PARP4: variants seen among roughly 807,000 people sequenced by gnomAD.
PARP4 encodes poly(ADP-ribose) polymerase family member 4.
In PARP4, 120 loss-of-function variants were observed where a neutral mutation model predicts 187.7. The observed-to-expected ratio is 0.64, with a 90% CI of 0.55 to 0.74. The LOEUF (loss-of-function observed/expected upper bound fraction) is 0.74, where lower values mean the gene tolerates loss of function less well. Among genes scored for constraint, PARP4 ranks in the 30% least tolerant of loss-of-function variants. The pLI is 0.00. For synonymous variants in PARP4, 654 were observed against 740.9 expected (o/e 0.88, Z 1.90); for missense variants, 1,836 against 2,070.5 (o/e 0.89, Z 2.20).
chr13:24,446,579 C>T, intron 27 of PARP4, 102 bp downstream of exon 27: 1 of 773,182 alleles, frequency 1.3e-6, no homozygotes, highest in Non-Finnish European at 2.2e-6. Context: ...CAAAGCTGCC[C>T]TGGGCCGTGG....
At chr13:24,503,577 T>C (rs771839056) in intron 2 of PARP4, 68 bp downstream of exon 2, 6 of 1,560,676 alleles carry the variant, frequency 3.8e-6, no homozygotes, top group Non-Finnish European at 4.4e-6. Context: ...CTTCCTCTTC[T>C]AACCATGACC....
chr13:24,437,519 A>T (rs1285202957), intron 30 of PARP4, among the ~76,000 whole-genome samples: 1 of 152,134 alleles, frequency 6.6e-6, no homozygotes, highest in Non-Finnish European at 1.5e-5. Flanking sequence ...TAAGATAAAT[A>T]AAAAAATGAC....
At chr13:24,493,807 G>A (rs768893420) in intron 7 of PARP4, 74 bp from the exon 8 acceptor site, 8 of 1,410,580 alleles carry the variant, frequency 5.7e-6, no homozygotes, top group East Asian at 2.3e-5. Context: ...ATGGGCCAAC[G>A]AACAGAGGTG....
rs559439550 is a variant in PARP4, at chr13:24,476,422, A to C, written c.1790-826T>G. Among the ~76,000 whole-genome samples the C allele has an allele frequency of 8.5e-5, 13 of 152,268 alleles. No individual in the cohort carries two copies. The South Asian group carries it at 2.7e-3, about 32-fold the overall frequency. ...CAGGTGTCTGCATTCCCTGGCTTAT[A>C]GTGTGGAAGGGCTCGGTCACTATTA... On this transcript the variant is annotated intron_variant, in intron 14 of 33. Transcript: ENST00000381989.
chr13:24,480,461 G>A (rs562468058), intron 12 of PARP4, among the ~76,000 whole-genome samples: 154 of 152,352 alleles, frequency 1.0e-3, no homozygotes, highest in African/African-American at 3.6e-3. Context: ...TGGTGAGGAA[G>A]GCATGTTGAA....
chr13:24,510,737 CTG>C (rs1334774592), intron 1 of PARP4, among the ~76,000 whole-genome samples: 2 of 143,340 alleles, frequency 1.4e-5, no homozygotes, highest in African/African-American at 6.0e-5. Context: ...GTTTTTAAAA[CTG>C]TGTGTACAGT....
chr13:24,474,789 A>G (rs886958814), intron 15 of PARP4, among the ~76,000 whole-genome samples: 7 of 152,056 alleles, frequency 4.6e-5, no homozygotes, highest in African/African-American at 1.4e-4. Context: ...AGGTCTGTTC[A>G]TGTCATTCCT....
chr13:24,504,340 A>G (rs1462962836), intron 1 of PARP4, among the ~76,000 whole-genome samples: 1 of 130,782 alleles, frequency 7.6e-6, no homozygotes, highest in South Asian at 2.4e-4. Flanking sequence ...TGGAGACGGA[A>G]TCTCACTCTG....
chr13:24,476,810 G>T (rs893648089), intron 14 of PARP4, among the ~76,000 whole-genome samples: 1 of 152,116 alleles, frequency 6.6e-6, no homozygotes, highest in Admixed American at 6.5e-5. Context: ...TTGTATGCTC[G>T]CACTACTATG....
rs1315892007 is a variant in PARP4, at chr13:24,483,024, C to CT, written c.1448+1628dup. Among the ~76,000 whole-genome samples the CT allele has an allele frequency of 8.0e-3, 1,161 of 144,606 alleles. 11 individuals are homozygous for CT. The highest frequency in any genetic ancestry group is 0.02 in the African/African-American group (784 of 39,744). The allele number at this position is 144,606 out of a possible 152,430, so 94.9% of individuals were successfully genotyped here. A position where few individuals can be genotyped will look rare whatever the true frequency, so the allele number is the denominator to read the frequency against. On this transcript the variant is annotated intron_variant, in intron 12 of 33. Transcript: ENST00000381989. ...TACAGTGCTCTTTTTTTCTTCTTTT[C>CT]TTTTTTTTTTTTAAGAGATTGGGTC...
At chr13:24,469,465 G>A (rs1337040381) in intron 16 of PARP4, among the ~76,000 whole-genome samples, 1 of 152,102 alleles carries the variant, frequency 6.6e-6, no homozygotes, top group East Asian at 1.9e-4. Flanking sequence ...AATAAACAAA[G>A]AATTAATCAA....
intron 15 of PARP4, 131 bp from the exon 16 acceptor site, chr13:24,470,156 C>T (rs1566006639): frequency 1.3e-6 from 1 of 781,606 alleles, no homozygotes; most frequent in East Asian, 2.9e-5. Context: ...CCTCAAATTC[C>T]CAACCCTGGC....
intron 32 of PARP4, among the ~76,000 whole-genome samples, chr13:24,428,859 T>C (rs1870188865): frequency 6.6e-6 from 1 of 150,622 alleles, no homozygotes; most frequent in Non-Finnish European, 1.5e-5. Flanking sequence ...GCTGAGTTTG[T>C]TGGATCTGGA....
At chr13:24,500,145 C>T (rs1869191914) in intron 4 of PARP4, among the ~76,000 whole-genome samples, 171 bp downstream of exon 4, 1 of 151,564 alleles carries the variant, frequency 6.6e-6, no homozygotes, top group Non-Finnish European at 1.5e-5. Flanking sequence ...AAATAATGAT[C>T]ACTATACTAG....
chr13:24,494,281 G>A (rs963640671), intron 7 of PARP4, among the ~76,000 whole-genome samples: 3 of 152,028 alleles, frequency 2.0e-5, no homozygotes, highest in Admixed American at 6.6e-5. Context: ...CTGTAACCTC[G>A]AACTGCTGAA....
At chr13:24,492,640 G>T (rs754534250) in intron 8 of PARP4, 46 bp from the exon 9 acceptor site, 20 of 1,463,250 alleles carry the variant, frequency 1.4e-5, no homozygotes, top group Non-Finnish European at 1.9e-5. Context: ...TCTCAATACA[G>T]AAATTAAGGA....
At chr13:24,512,386 G>T (rs1215078098) in intron 1 of PARP4, among the ~76,000 whole-genome samples, 1 of 152,216 alleles carries the variant, frequency 6.6e-6, no homozygotes, top group Non-Finnish European at 1.5e-5. Flanking sequence ...AAGAAACAAC[G>T]CGTGCTACTG....
rs113934879 is a variant in PARP4 at position 24,456,343 on chromosome 13, C to T, written c.2560G>A (p.Glu854Lys). 2.2e-5 allele frequency: 36 copies of T among 1,606,406 alleles called. No individual in the cohort carries two copies. Among genetic ancestry groups the T allele is most frequent in the African/African-American group, 8.0e-5 (6 of 74,912 alleles). Residue 854 changes from glutamate to lysine, a missense_variant and splice_region_variant, in exon 21 of 34, where the codon GAG (glutamate) becomes AAG (lysine). Transcript: ENST00000381989. ...TGTCTAAGTAAAAAGGAGTATACCTCGCTTTCTTTTTCTGGATGTTTTTCA... is the reference window on the plus strand; with the variant it reads ...TGTCTAAGTAAAAAGGAGTATACCTTGCTTTCTTTTTCTGGATGTTTTTCA... Reference protein sequence around the residue: ...WVEKHPEKESEACMLVFQPDL... With the variant: ...WVEKHPEKESKACMLVFQPDL...
intron 6 of PARP4, among the ~76,000 whole-genome samples, chr13:24,497,795 C>T (rs2137538723): frequency 6.6e-6 from 1 of 152,262 alleles, no homozygotes; most frequent in South Asian, 2.1e-4. Flanking sequence ...CTGCTATCCT[C>T]ATGTGTAGAG....
Sources: allele counts gnomAD v4.1 joint callset (sites outside exome capture counted in the v4.1 genomes callset), GRCh38; gene constraint gnomAD v4.1.1; transcripts MANE v1.5; gene names NCBI Gene and HGNC (gene_info 2026-07-23, HGNC 2026-07-21).